SLC38A11: variants seen among roughly 807,000 people sequenced by gnomAD.
SLC38A11 encodes the protein solute carrier family 38 member 11, also known as putative sodium-coupled neutral amino acid transporter 11.
SLC38A11 carries 51 observed loss-of-function variants against 49.4 expected under a neutral mutation model. The ratio of observed to expected loss-of-function variants is 1.03; its 90% CI spans 0.83 to 1.30. SLC38A11 has a LOEUF of 1.30. Among genes scored for constraint, SLC38A11 ranks in the 50% most tolerant of loss-of-function variants. The probability of loss-of-function intolerance (pLI) is 0.00; values close to 1 mark genes in which losing one functional copy is unlikely to be tolerated. For synonymous variants in SLC38A11, 203 were observed against 192.9 expected (o/e 1.05, Z -0.43); for missense variants, 574 against 556.2 (o/e 1.03, Z -0.32).
intron 11 of SLC38A11, among the ~76,000 whole-genome samples, chr2:164,902,311 G>A (rs754874031): frequency 5.9e-5 from 9 of 151,916 alleles, no homozygotes; most frequent in Admixed American, 3.9e-4. Flanking sequence ...GTGAGCCACC[G>A]CACCCAGCTG....
intron 7 of SLC38A11, among the ~76,000 whole-genome samples, chr2:164,936,004 G>T (rs1687345333): frequency 6.6e-6 from 1 of 152,174 alleles, no homozygotes; most frequent in Non-Finnish European, 1.5e-5. Flanking sequence ...CTGGCATCCA[G>T]ATCTCTGACT....
Position 164,915,920 on chromosome 2 carries a change from A to T in SLC38A11, c.671T>A (p.Val224Asp), listed in dbSNP as rs775750017. 1.2e-6 allele frequency: 2 copies of T among 1,602,932 alleles called. 1 individual carries two copies. ...ATACTCACCAAAAGACATAACCCCG[A>T]CCGCTTGAATGGCATTGGGCTTTGC... The part of the protein sequence containing the change: ...VFAKPNAIQA[V>D]GVMSFAFICH... Residue 224 changes from valine (V) to aspartate (D), a missense_variant, in exon 8 of 12, where the codon GTC becomes GAC. Physicochemically the swap from Val to Asp is radical, Grantham distance 152. Coordinates refer to ENST00000685975, the MANE Select transcript of SLC38A11 (RefSeq NM_001351537.2).
Position 164,952,695 on chromosome 2 carries a change from A to G in SLC38A11, c.229+12T>C. The G allele has an allele frequency of 1.3e-6, 2 of 1,565,938 alleles. No individual in the cohort carries two copies. The highest frequency in any genetic ancestry group is 1.8e-6 in the Non-Finnish European group (2 of 1,136,428). On this transcript the variant is annotated intron_variant, in intron 3 of 11. Coordinates refer to ENST00000685975, the MANE Select transcript of SLC38A11 (RefSeq NM_001351537.2). ...TGAAGTTGCAGAAATAAGAAATTAT[A>G]TAGTATTTTACCTGTAACATATGAA...
At position 164,945,811 on chromosome 2, in the gene SLC38A11, G is replaced by A. The variant is rs980970073; in HGVS notation, c.230-84C>T. ...TTTAACTTAATTACCATCGAGAAAA[G>A]GGGAAATTTTAAAGAAGCATTTAAT... On this transcript the variant is annotated intron_variant, in intron 3 of 11. Transcript: ENST00000685975. 19 of 1,474,360 alleles carry A rather than the reference G, an allele frequency of 1.3e-5. No individual in the cohort carries two copies. The East Asian group carries it at 4.4e-4, about 34-fold the overall frequency. 91.3% of individuals were successfully genotyped at this position (1,474,360 alleles called of 1,614,324 possible).
At chr2:164,911,550 C>T (rs900090288) in intron 10 of SLC38A11, 86 bp downstream of exon 10, 5 of 606,488 alleles carry the variant, frequency 8.2e-6, no homozygotes, top group Middle Eastern at 5.6e-4. Context: ...TGGGAATTTG[C>T]CAAACTGTAT....
intron 10 of SLC38A11, among the ~76,000 whole-genome samples, chr2:164,909,079 C>T (rs1224743333): frequency 1.3e-5 from 2 of 152,026 alleles, no homozygotes; most frequent in Admixed American, 1.3e-4. Context: ...TTATCTTATC[C>T]TTCTTTCTTG....
chr2:164,906,085 C>G (rs1684984606), intron 11 of SLC38A11, among the ~76,000 whole-genome samples: 1 of 152,040 alleles, frequency 6.6e-6, no homozygotes, highest in Non-Finnish European at 1.5e-5. Flanking sequence ...TATGTGTGCA[C>G]TTGATTAACT....
In SLC38A11 at chr2:164,915,931, G is replaced by A. The variant is rs577521437; in HGVS notation, c.660C>T (p.Ala220=). ...EDAWVFAKPN[A]IQAVGVMSFA... The stretch of plus-strand genomic sequence containing the variant: ...AAGACATAACCCCGACCGCTTGAAT[G>A]GCATTGGGCTTTGCAAATACCCAAG... Residue 220 remains alanine (A), a synonymous_variant, in exon 8 of 12, where the codon GCC becomes GCT. Transcript: ENST00000685975. 6.9e-6 allele frequency: 11 copies of A among 1,601,748 alleles called. No individual in the cohort carries two copies. The South Asian group carries it at 1.1e-4, about 16-fold the overall frequency.
intron 11 of SLC38A11, among the ~76,000 whole-genome samples, chr2:164,899,388 C>T (rs1358423577): frequency 6.6e-6 from 1 of 152,066 alleles, no homozygotes. Flanking sequence ...TAGGAATAAA[C>T]CCAACCTAAG....
intron 11 of SLC38A11, among the ~76,000 whole-genome samples, chr2:164,904,273 T>C: frequency 6.6e-6 from 1 of 152,164 alleles, no homozygotes; most frequent in East Asian, 1.9e-4. Flanking sequence ...AATAGCAACA[T>C]TAGTGCTAAG....
intron 3 of SLC38A11, among the ~76,000 whole-genome samples, chr2:164,951,875 C>A (rs1688546610): frequency 6.6e-6 from 1 of 152,172 alleles, no homozygotes; most frequent in African/African-American, 2.4e-5. Flanking sequence ...AGGCCCAGGG[C>A]AACACTCCAG....
chr2:164,906,296 C>T (rs1420865199), intron 11 of SLC38A11, among the ~76,000 whole-genome samples: 1 of 152,168 alleles, frequency 6.6e-6, no homozygotes, highest in Non-Finnish European at 1.5e-5. Context: ...TGAAAGATTA[C>T]TACTACTGTC....
chr2:164,951,207 C>T (rs10497253), intron 3 of SLC38A11, among the ~76,000 whole-genome samples: 81,954 of 151,658 alleles, frequency 0.54, 22,407 homozygotes, highest in South Asian at 0.77. Flanking sequence ...TGTATGCATA[C>T]TTTTAAATGT....
intron 3 of SLC38A11, among the ~76,000 whole-genome samples, chr2:164,951,547 G>A (rs4667775): frequency 0.14 from 20,892 of 152,204 alleles, 1,805 homozygotes; most frequent in East Asian, 0.3. Flanking sequence ...AAGGCAGGGA[G>A]CTCAATGCCT....
chr2:164,945,595 A>G lies in SLC38A11; in HGVS notation c.362T>C (p.Ile121Thr), dbSNP rs761426226. 5.0e-6 allele frequency: 8 copies of G among 1,592,916 alleles called. No homozygotes were observed. The African/African-American group carries it at 5.5e-5, about 11-fold the overall frequency. Reference protein sequence around the residue: ...LSVLQFLYPFIAMISYNIIAG... With the variant: ...LSVLQFLYPFTAMISYNIIAG... ...ATTTATCTTCACAGTCAACTTACCT[A>G]TAAAAGGATACAAAAACTGAAGAAC... The change falls in exon 4 of 12, where the codon ATA becomes ACA. Residue 121 changes from isoleucine to threonine, a missense_variant and splice_region_variant. Ile to Thr is a moderately conservative substitution (Grantham distance 89). Coordinates refer to ENST00000685975, the MANE Select transcript of SLC38A11 (RefSeq NM_001351537.2).
At chr2:164,901,380 C>T (rs544719984) in intron 11 of SLC38A11, among the ~76,000 whole-genome samples, 1 of 152,202 alleles carries the variant, frequency 6.6e-6, no homozygotes, top group South Asian at 2.1e-4. Context: ...ATTCCATCCA[C>T]AGGATATCTT....
At chr2:164,951,823 G>T (rs1210439903) in intron 3 of SLC38A11, among the ~76,000 whole-genome samples, 1 of 152,134 alleles carries the variant, frequency 6.6e-6, no homozygotes, top group African/African-American at 2.4e-5. Flanking sequence ...AGCTCCAACT[G>T]TACCACACAT....
At chr2:164,915,083 G>A in intron 9 of SLC38A11, 29 bp downstream of exon 9, 5 of 1,580,822 alleles carry the variant, frequency 3.2e-6, no homozygotes, top group Non-Finnish European at 4.3e-6. Context: ...CAATGCACAT[G>A]AACACTATAA....
intron 7 of SLC38A11, 133 bp from the exon 8 acceptor site, chr2:164,916,106 A>T: frequency 1.8e-6 from 1 of 559,814 alleles, no homozygotes; most frequent in Non-Finnish European, 3.3e-6. Flanking sequence ...GCTCCCATTA[A>T]TCTTGTGTAA....
Sources: allele counts gnomAD v4.1 joint callset (sites outside exome capture counted in the v4.1 genomes callset), GRCh38; gene constraint gnomAD v4.1.1; transcripts MANE v1.5; gene names NCBI Gene and HGNC (gene_info 2026-07-23, HGNC 2026-07-21).